The following SLC30A5 variants were observed in gnomAD, a reference collection of about 807,000 sequenced individuals.
SLC30A5 encodes proton-coupled zinc antiporter SLC30A5.
Under a neutral mutation model 79.6 loss-of-function variants are expected in SLC30A5, and 33 were observed. The observed-to-expected ratio is 0.41, with a 90% confidence interval of 0.31 to 0.55. The LOEUF (loss-of-function observed/expected upper bound fraction) is 0.55. Ranked by LOEUF, SLC30A5 falls within the 20% of genes least tolerant of loss-of-function variation. The probability of loss-of-function intolerance (pLI) is 0.20; values close to 1 mark genes in which losing one functional copy is unlikely to be tolerated. For missense variants in SLC30A5, 788 were observed against 928.1 expected (o/e 0.85, Z 1.96); for synonymous variants, 299 against 319.7 (o/e 0.94, Z 0.69).
intron 3 of SLC30A5, 49 bp from the exon 4 acceptor site, chr5:69,104,582 G>C: frequency 6.8e-7 from 1 of 1,466,440 alleles, no homozygotes. Context: ...TGGATATATA[G>C]CAAAATATAT....
In SLC30A5 at chr5:69,129,628, G is replaced by A. The variant is rs1425732653; in HGVS notation, c.*11G>A. ...ACTTACATCATGTGAGATAACTCAA[G>A]AATTACCCCTGGAGAATAAACAATG... On this transcript the variant is annotated 3_prime_UTR_variant, in exon 16 of 16. Coordinates refer to ENST00000396591, the MANE Select transcript of SLC30A5 (RefSeq NM_022902.5). 4 of 1,596,188 alleles carry A rather than the reference G, an allele frequency of 2.5e-6. No homozygotes were observed. The highest frequency in any genetic ancestry group is 3.4e-6 in the Non-Finnish European group (4 of 1,171,840).
In SLC30A5 at chr5:69,104,108, G is replaced by C. The variant is rs1580169283; in HGVS notation, c.274-523G>C. On this transcript the variant is annotated intron_variant, in intron 3 of 15. Transcript: ENST00000396591. ...AAATCTACCAGCAGACAAGAATATA[G>C]ATAATGGAAAACAGAATACTGTCCT... The C allele has an allele frequency of 1.1e-5, 16 of 1,457,288 alleles. 1 individual carries two copies. The East Asian group carries it at 3.9e-4, about 36-fold the overall frequency. The allele number at this position is 1,457,288 out of a possible 1,614,324, so 90.3% of individuals were successfully genotyped here.
At chr5:69,125,857 C>G (rs1349824571) in intron 14 of SLC30A5, among the ~76,000 whole-genome samples, 1 of 89,040 alleles carries the variant, frequency 1.1e-5, no homozygotes, top group Non-Finnish European at 2.0e-5. Context: ...GGCCACAGAG[C>G]GAGACTCCGT....
chr5:69,098,851 TGC>T (rs1745822461), intron 1 of SLC30A5, among the ~76,000 whole-genome samples: 5 of 152,252 alleles, frequency 3.3e-5, no homozygotes, highest in Admixed American at 3.3e-4. Context: ...TGTGACCCTC[TGC>T]CCTTCCCCGC....
At chr5:69,117,454 C>G (rs1746403030) in intron 11 of SLC30A5, 58 bp downstream of exon 11, 2 of 1,401,200 alleles carry the variant, frequency 1.4e-6, no homozygotes, top group African/African-American at 2.9e-5. Flanking sequence ...TCTTAAGGAA[C>G]AGAATTATAT....
chr5:69,125,454 A>C (rs1746649816), intron 14 of SLC30A5, among the ~76,000 whole-genome samples: 1 of 151,632 alleles, frequency 6.6e-6, no homozygotes, highest in South Asian at 2.1e-4. Flanking sequence ...TGAACCCAGG[A>C]GGTGGAGGTT....
At chr5:69,111,603 C>G (rs1028053920) in intron 5 of SLC30A5, among the ~76,000 whole-genome samples, 6 of 152,094 alleles carry the variant, frequency 3.9e-5, no homozygotes, top group African/African-American at 1.4e-4. Flanking sequence ...CACGCCTGGC[C>G]TTTTTTTCTT....
intron 7 of SLC30A5, 64 bp from the exon 8 acceptor site, chr5:69,115,170 ATGT>A: frequency 5.1e-6 from 4 of 783,542 alleles, no homozygotes; most frequent in Non-Finnish European, 7.9e-6. Context: ...AAAAAAGATC[ATGT>A]ATTTAACGAC....
At chr5:69,117,992 G>C (rs945492750) in intron 11 of SLC30A5, among the ~76,000 whole-genome samples, 31 of 151,050 alleles carry the variant, frequency 2.1e-4, no homozygotes, top group Non-Finnish European at 8.8e-5. Context: ...TGGCTAACAC[G>C]GTGAAACCCC....
At chr5:69,118,982 G>A (rs900896872) in intron 12 of SLC30A5, among the ~76,000 whole-genome samples, 1 of 151,712 alleles carries the variant, frequency 6.6e-6, no homozygotes, top group African/African-American at 2.4e-5. Flanking sequence ...TGTATATTTT[G>A]TATAGATAGA....
chr5:69,127,088 G>A (rs1374294681), intron 14 of SLC30A5, among the ~76,000 whole-genome samples: 1 of 152,078 alleles, frequency 6.6e-6, no homozygotes, highest in Non-Finnish European at 1.5e-5. Context: ...CATTGTTAAT[G>A]ACTGCATTAT....
Position 69,101,186 on chromosome 5 carries a change from T to TTTA in SLC30A5, c.206+272_206+274dup, listed in dbSNP as rs150226169. Among the ~76,000 whole-genome samples, 7 of 152,064 alleles carry TTTA rather than the reference T, an allele frequency of 4.6e-5. No homozygotes were observed. The East Asian group carries it at 5.8e-4, about 13-fold the overall frequency. The stretch of plus-strand genomic sequence containing the variant: ...TTTTGCAAATTTAGTTTTTGGGCTA[T>TTTA]TTATTATTATTATTATTCACTGCAT... On this transcript the variant is annotated intron_variant, in intron 2 of 15. Transcript: ENST00000396591.
chr5:69,122,414 G>A (rs1158784085), intron 13 of SLC30A5, among the ~76,000 whole-genome samples: 1 of 152,172 alleles, frequency 6.6e-6, no homozygotes, highest in Admixed American at 6.5e-5. Context: ...AGCACTTTGG[G>A]AGGCCAAGGT....
intron 6 of SLC30A5, among the ~76,000 whole-genome samples, chr5:69,114,096 G>A (rs544066671): frequency 7.9e-4 from 121 of 152,224 alleles, no homozygotes; most frequent in Middle Eastern, 3.4e-3. Flanking sequence ...TACCTTTGTC[G>A]TTCTTAAAGT....
In SLC30A5 at chr5:69,114,411, C is replaced by T; in HGVS notation, c.536-9C>T. 1.3e-6 allele frequency: 2 copies of T among 1,585,502 alleles called. No individual in the cohort carries two copies. The highest frequency in any genetic ancestry group is 1.7e-6 in the Non-Finnish European group (2 of 1,155,958). On this transcript the variant is annotated splice_polypyrimidine_tract_variant and intron_variant, in intron 6 of 15. Transcript: ENST00000396591. ...TTGGAATTTTTTTCCTTTACTTCAACTCACTTAGCTGAAGGACATCATGAC... is the reference window on the plus strand; with the variant it reads ...TTGGAATTTTTTTCCTTTACTTCAATTCACTTAGCTGAAGGACATCATGAC...
chr5:69,129,348 A>T, intron 15 of SLC30A5, 99 bp from the exon 16 acceptor site: 1 of 833,878 alleles, frequency 1.2e-6, no homozygotes, highest in Non-Finnish European at 1.8e-6. Flanking sequence ...TTTTCAGATT[A>T]AAGATACTCA....
chr5:69,123,172 T>C (rs1225575567), intron 13 of SLC30A5, 27 bp from the exon 14 acceptor site: 2 of 1,504,744 alleles, frequency 1.3e-6, no homozygotes, highest in South Asian at 2.5e-5. Flanking sequence ...CCTTAATTTT[T>C]AATGTCCTTA....
chr5:69,125,870 CAAAAAAAAAAA>C (rs532994254), intron 14 of SLC30A5, among the ~76,000 whole-genome samples: 11 of 54,232 alleles, frequency 2.0e-4, no homozygotes, highest in African/African-American at 2.7e-4. Flanking sequence ...GACTCCGTCT[CAAAAAAAAAAA>C]AAAAAAAAAA....
intron 3 of SLC30A5, 74 bp downstream of exon 3, chr5:69,103,202 A>G: frequency 1.3e-6 from 1 of 754,826 alleles, no homozygotes; most frequent in Non-Finnish European, 2.3e-6. Flanking sequence ...CTTATTTTTT[A>G]TAATGGGTAC....
Sources: allele counts gnomAD v4.1 joint callset (sites outside exome capture counted in the v4.1 genomes callset), GRCh38; gene constraint gnomAD v4.1.1; transcripts MANE v1.5; gene names NCBI Gene and HGNC (gene_info 2026-07-23, HGNC 2026-07-21).